COX7B2: variants seen among roughly 807,000 people sequenced by gnomAD.
COX7B2 encodes the protein cytochrome c oxidase subunit 7B2.
For missense variants in COX7B2, 109 were observed against 95.9 expected (o/e 1.14, Z -0.57); for synonymous variants, 37 against 32.1 (o/e 1.15, Z -0.51).
chr4:46,741,705 C>A (rs185753735), intron 2 of COX7B2, among the ~76,000 whole-genome samples: 1 of 152,170 alleles, frequency 6.6e-6, no homozygotes, highest in East Asian at 1.9e-4. Context: ...ACCTGGACAG[C>A]TGCTTACCCC....
chr4:46,786,682 T>C (rs541735374), intron 2 of COX7B2, among the ~76,000 whole-genome samples: 1 of 152,336 alleles, frequency 6.6e-6, no homozygotes, highest in South Asian at 2.1e-4. Context: ...GATGTGAAAG[T>C]AGCCTGAAGA....
At position 46,811,440 on chromosome 4, in the gene COX7B2, A is replaced by AT. The variant is rs562473977; in HGVS notation, c.-50+33519dup. On this transcript the variant is annotated intron_variant, in intron 2 of 2. Transcript: ENST00000355591. ...CTGCTGTTAAACCTCAACCATATAT[A>AT]TTTTTTTTATTTCATTGATTGAATT... 2.8e-4 allele frequency among the ~76,000 whole-genome samples: 43 copies of AT among 151,312 alleles called. 1 individual carries two copies. In the South Asian group the frequency reaches 6.9e-3, roughly 24 times the overall value.
chr4:46,838,322 T>C (rs1715676320), intron 2 of COX7B2, among the ~76,000 whole-genome samples: 1 of 152,094 alleles, frequency 6.6e-6, no homozygotes, highest in African/African-American at 2.4e-5. Context: ...ATATTATAAG[T>C]GATCTAATAT....
intron 1 of COX7B2, among the ~76,000 whole-genome samples, chr4:46,881,596 C>T (rs1286075737): frequency 6.7e-6 from 1 of 148,952 alleles, no homozygotes; most frequent in South Asian, 2.3e-4. Flanking sequence ...AACCTCATCT[C>T]TAATAAAAAA....
Position 46,845,234 on chromosome 4 carries a change from CAAT to C in COX7B2, c.-104-223_-104-221del, listed in dbSNP as rs539260269. Reference sequence around the variant, plus strand: ...GACAAGGGCCTAGCTACCTGTTTTCCAATAGTGGTAGAGAATGAGTCTTTAAAC... The same window carrying C: ...GACAAGGGCCTAGCTACCTGTTTTCCAGTGGTAGAGAATGAGTCTTTAAAC... On this transcript the variant is annotated intron_variant, in intron 1 of 2. Transcript: ENST00000355591. 7.9e-5 allele frequency among the ~76,000 whole-genome samples: 12 copies of C among 152,006 alleles called. No individual in the cohort carries two copies. In the East Asian group the frequency reaches 2.3e-3, roughly 30 times the overall value.
chr4:46,773,580 A>G (rs564316138), intron 2 of COX7B2, among the ~76,000 whole-genome samples: 158 of 152,268 alleles, frequency 1.0e-3, no homozygotes, highest in African/African-American at 3.6e-3. Flanking sequence ...AGCATGATAA[A>G]AAATAAGAAC....
intron 2 of COX7B2, among the ~76,000 whole-genome samples, chr4:46,827,106 T>C (rs1714748492): frequency 6.6e-6 from 1 of 152,020 alleles, no homozygotes; most frequent in African/African-American, 2.4e-5. Context: ...ACTTGAGGGA[T>C]AATATCAAAT....
At chr4:46,843,069 T>C (rs1716043407) in intron 2 of COX7B2, among the ~76,000 whole-genome samples, 1 of 152,048 alleles carries the variant, frequency 6.6e-6, no homozygotes, top group Non-Finnish European at 1.5e-5. Flanking sequence ...ACCTGTTGTT[T>C]CCTGACTTTT....
At chr4:46,811,757 ACTT>A (rs1719296827) in intron 2 of COX7B2, among the ~76,000 whole-genome samples, 1 of 152,092 alleles carries the variant, frequency 6.6e-6, no homozygotes, top group Non-Finnish European at 1.5e-5. Flanking sequence ...CAGTGCAGTC[ACTT>A]CTTCTAAACT....
At chr4:46,781,902 G>T (rs1274552996) in intron 2 of COX7B2, among the ~76,000 whole-genome samples, 1 of 152,172 alleles carries the variant, frequency 6.6e-6, no homozygotes, top group Non-Finnish European at 1.5e-5. Context: ...CGTGTGGCAG[G>T]GCTCAGGACC....
chr4:46,831,027 G>C (rs11735590), intron 2 of COX7B2, among the ~76,000 whole-genome samples: 42,039 of 152,094 alleles, frequency 0.28, 6,216 homozygotes, highest in Admixed American at 0.37. Flanking sequence ...CTCAGCCTGT[G>C]GGGAGGTGTG....
chr4:46,837,680 AT>A (rs1348308402), intron 2 of COX7B2, among the ~76,000 whole-genome samples: 1 of 152,028 alleles, frequency 6.6e-6, no homozygotes, highest in Non-Finnish European at 1.5e-5. Flanking sequence ...TACATTATAT[AT>A]TTTTCTACAT....
At chr4:46,810,201 T>C (rs1719218284) in intron 2 of COX7B2, among the ~76,000 whole-genome samples, 1 of 152,048 alleles carries the variant, frequency 6.6e-6, no homozygotes, top group South Asian at 2.1e-4. Context: ...CACTCTGTGT[T>C]GAATGTAAAT....
Position 46,827,420 on chromosome 4 carries a change from A to G in COX7B2, c.-50+17540T>C, listed in dbSNP as rs563383878. Reference sequence around the variant, plus strand: ...CATGCAACCAACTGTAGGTTTTTGTATCACAAACAGCGGAGGCCAGAAGAC... The same window carrying G: ...CATGCAACCAACTGTAGGTTTTTGTGTCACAAACAGCGGAGGCCAGAAGAC... On this transcript the variant is annotated intron_variant, in intron 2 of 2. Coordinates refer to ENST00000355591, the MANE Select transcript of COX7B2 (RefSeq NM_130902.3). Among the ~76,000 whole-genome samples the G allele has an allele frequency of 3.9e-5, 6 of 152,258 alleles. No homozygotes were observed. The South Asian group carries it at 1.0e-3, about 26-fold the overall frequency.
chr4:46,900,010 T>G (rs1380629373), intron 1 of COX7B2, among the ~76,000 whole-genome samples: 1 of 152,160 alleles, frequency 6.6e-6, no homozygotes, highest in African/African-American at 2.4e-5. Flanking sequence ...ATCTTTAATT[T>G]CATTTCTCAT....
chr4:46,820,294 A>G (rs1299641385), intron 2 of COX7B2, among the ~76,000 whole-genome samples: 3 of 152,128 alleles, frequency 2.0e-5, no homozygotes, highest in Non-Finnish European at 4.4e-5. Flanking sequence ...ACAGCTCACA[A>G]CAGGGTTTCC....
At chr4:46,825,857 A>G (rs1714654678) in intron 2 of COX7B2, among the ~76,000 whole-genome samples, 1 of 152,052 alleles carries the variant, frequency 6.6e-6, no homozygotes, top group Non-Finnish European at 1.5e-5. Flanking sequence ...ACCCCTTCCT[A>G]TAACATGCAC....
rs1717378172 is a variant in COX7B2, at chr4:46,862,235, C to CT, written c.-104-17222dup. On this transcript the variant is annotated intron_variant, in intron 1 of 2. Coordinates refer to ENST00000355591, the MANE Select transcript of COX7B2 (RefSeq NM_130902.3). ...TAATAAAAACTACTTTACCCAAGTT[C>CT]TATTCTATAGCTTTCCTTGGCTTAC... Among the ~76,000 whole-genome samples the CT allele has an allele frequency of 2.0e-5, 3 of 152,312 alleles. No homozygotes were observed. The South Asian group carries it at 6.2e-4, about 32-fold the overall frequency.
chr4:46,785,136 T>C (rs73139376), intron 2 of COX7B2, among the ~76,000 whole-genome samples: 5,118 of 152,314 alleles, frequency 0.034, 220 homozygotes, highest in African/African-American at 0.1. Context: ...AAGGCACAGA[T>C]GTTAGCACTT....
Sources: gnomAD v4.1 joint callset for allele counts (sites outside exome capture counted in the v4.1 genomes callset) on GRCh38, gnomAD v4.1.1 for gene constraint, MANE v1.5 for transcripts, NCBI Gene and HGNC (gene_info 2026-07-23, HGNC 2026-07-21) for gene names.